Variants in ARHGAP28 observed in about 807,000 individuals in gnomAD.
The protein encoded by ARHGAP28 is rho GTPase-activating protein 28.
ARHGAP28 carries 56 observed loss-of-function variants against 90.7 expected under a neutral mutation model. The observed-to-expected ratio is 0.62, with a 90% CI of 0.50 to 0.77. The LOEUF is 0.77. Among genes scored for constraint, ARHGAP28 ranks in the 30% least tolerant of loss-of-function variants. The pLI is 0.00. For missense variants in ARHGAP28, 869 were observed against 900.9 expected, an observed-to-expected ratio of 0.96 and a Z score of 0.45; for synonymous variants, 308 against 323.3, an observed-to-expected ratio of 0.95 and a Z score of 0.51.
intron 1 of ARHGAP28, among the ~76,000 whole-genome samples, chr18:6,799,790 G>C (rs905166503): frequency 6.6e-6 from 1 of 152,172 alleles, no homozygotes; most frequent in Non-Finnish European, 1.5e-5. Context: ...TGTCATTCAG[G>C]ACATAGGCAT....
At chr18:6,766,274 A>G (rs1583178) in intron 1 of ARHGAP28, among the ~76,000 whole-genome samples, 65,482 of 152,066 alleles carry the variant, frequency 0.43, 15,255 homozygotes, top group East Asian at 0.85. Context: ...ATTTTGAAGC[A>G]CTGTGTCTCA....
At chr18:6,818,022 C>T (rs934708969) in intron 1 of ARHGAP28, among the ~76,000 whole-genome samples, 1 of 152,180 alleles carries the variant, frequency 6.6e-6, no homozygotes, top group Non-Finnish European at 1.5e-5. Flanking sequence ...TAGCTCTGGA[C>T]ATGCTATCAA....
rs755508220 is a variant in ARHGAP28, at chr18:6,912,087, A to G, written c.2123A>G (p.Tyr708Cys). The change falls in exon 18 of 18, where the codon TAT becomes TGT. Residue 708 changes from tyrosine (Y) to cysteine (C), a missense_variant. By Grantham distance (194) the Tyr-to-Cys change is radical. Transcript: ENST00000383472. Reference sequence around the variant, plus strand: ...GAGCATTGCTTGGATCCAGATGCTTATATATTGGATGTATATCGTATAAAT... The same window carrying G: ...GAGCATTGCTTGGATCCAGATGCTTGTATATTGGATGTATATCGTATAAAT... Reference protein sequence around the residue: ...IGEHCLDPDAYILDVYRINPQ... With the variant: ...IGEHCLDPDACILDVYRINPQ... The G allele has an allele frequency of 6.2e-7, 1 of 1,606,888 alleles. No homozygotes were observed. The highest frequency in any genetic ancestry group is 8.5e-7 in the Non-Finnish European group (1 of 1,175,732).
At chr18:6,787,741 A>G (rs980272115) in intron 1 of ARHGAP28, among the ~76,000 whole-genome samples, 7 of 152,188 alleles carry the variant, frequency 4.6e-5, no homozygotes, top group Non-Finnish European at 8.8e-5. Flanking sequence ...GTTTTAACCA[A>G]TGTTATCATT....
At chr18:6,830,413 GT>G (rs2056706215) in intron 2 of ARHGAP28, among the ~76,000 whole-genome samples, 1 of 151,984 alleles carries the variant, frequency 6.6e-6, no homozygotes, top group Admixed American at 6.5e-5. Context: ...GTGCCATGGT[GT>G]TTTGCTGCAC....
intron 16 of ARHGAP28, chr18:6,896,899 C>CTTTTA (rs1222805432): frequency 1.2e-4 from 32 of 263,674 alleles, no homozygotes; most frequent in African/African-American, 6.7e-4. Context: ...TGAGTTTTAC[C>CTTTTA]TTTTATTTTA....
intron 4 of ARHGAP28, among the ~76,000 whole-genome samples, chr18:6,858,234 T>G (rs552658106): frequency 2.0e-5 from 3 of 152,176 alleles, no homozygotes; most frequent in Non-Finnish European, 4.4e-5. Flanking sequence ...GCTCCTATTT[T>G]TCTAAACATG....
At chr18:6,840,031 T>C (rs1384248836) in intron 3 of ARHGAP28, among the ~76,000 whole-genome samples, 1 of 152,208 alleles carries the variant, frequency 6.6e-6, no homozygotes, top group Non-Finnish European at 1.5e-5. Context: ...CCTTCTGTTC[T>C]GGTGGCTTCT....
intron 5 of ARHGAP28, among the ~76,000 whole-genome samples, chr18:6,867,003 T>A (rs1370094243): frequency 2.0e-5 from 3 of 152,218 alleles, no homozygotes; most frequent in African/African-American, 7.2e-5. Context: ...TAATCTTTAT[T>A]CCGTATTGTT....
intron 1 of ARHGAP28, among the ~76,000 whole-genome samples, chr18:6,823,841 A>G (rs1473207428): frequency 6.6e-6 from 1 of 152,034 alleles, no homozygotes; most frequent in Non-Finnish European, 1.5e-5. Context: ...TCTGCCTTCC[A>G]GGTCAAGTGA....
intron 16 of ARHGAP28, among the ~76,000 whole-genome samples, chr18:6,899,296 A>T (rs139559438): frequency 6.6e-6 from 1 of 152,148 alleles, no homozygotes; most frequent in East Asian, 1.9e-4. Flanking sequence ...GCAGAGAAAG[A>T]CTCTGAAAGG....
At chr18:6,910,129 C>A (rs1457365578) in intron 17 of ARHGAP28, among the ~76,000 whole-genome samples, 3 of 152,174 alleles carry the variant, frequency 2.0e-5, no homozygotes, top group Non-Finnish European at 4.4e-5. Context: ...TCATGGTCAC[C>A]AGACAACTCG....
intron 2 of ARHGAP28, among the ~76,000 whole-genome samples, chr18:6,835,943 G>A (rs562564483): frequency 8.5e-5 from 13 of 152,164 alleles, no homozygotes; most frequent in Non-Finnish European, 1.6e-4. Context: ...TGGTCTTGAG[G>A]TCTCTCTCGG....
At chr18:6,839,049 T>C (rs1159468716) in intron 3 of ARHGAP28, among the ~76,000 whole-genome samples, 1 of 152,178 alleles carries the variant, frequency 6.6e-6, no homozygotes, top group Non-Finnish European at 1.5e-5. Context: ...GGTCCTTATG[T>C]CTAGTGGCAC....
chr18:6,839,424 A>T (rs532260585), intron 3 of ARHGAP28, among the ~76,000 whole-genome samples: 2 of 151,734 alleles, frequency 1.3e-5, no homozygotes, highest in Non-Finnish European at 1.5e-5. Context: ...CTCCCGAGTA[A>T]CTGGGACTAT....
chr18:6,806,034 G>A (rs572758001), intron 1 of ARHGAP28, among the ~76,000 whole-genome samples: 5 of 151,914 alleles, frequency 3.3e-5, no homozygotes, highest in East Asian at 2.0e-4. Context: ...ACAGGCACAC[G>A]CCACCAGGAC....
intron 5 of ARHGAP28, among the ~76,000 whole-genome samples, chr18:6,862,370 C>T (rs1332710704): frequency 1.3e-5 from 2 of 152,190 alleles, no homozygotes; most frequent in African/African-American, 4.8e-5. Context: ...CCCAAGACTT[C>T]AGGGGGCCCC....
rs185237191 is a variant in ARHGAP28 at position 6,891,248 on chromosome 18, G to T, written c.1848+705G>T. On this transcript the variant is annotated intron_variant, in intron 14 of 17. Coordinates refer to ENST00000383472, the MANE Select transcript of ARHGAP28 (RefSeq NM_001366230.1). ...GCCAGCTGTGCCAGGGCCATGCAGAGGACAAGGAATGTGCTCTAGCGTGGG... is the reference window on the plus strand; with the variant it reads ...GCCAGCTGTGCCAGGGCCATGCAGATGACAAGGAATGTGCTCTAGCGTGGG... 6.3e-4 allele frequency among the ~76,000 whole-genome samples: 96 copies of T among 152,274 alleles called. 1 individual carries two copies. Among genetic ancestry groups the T allele is most frequent in the African/African-American group, 2.2e-3 (93 of 41,568 alleles).
intron 16 of ARHGAP28, among the ~76,000 whole-genome samples, chr18:6,901,050 CT>C (rs1248206556): frequency 6.6e-6 from 1 of 152,072 alleles, no homozygotes; most frequent in Non-Finnish European, 1.5e-5. Context: ...CAAAAATGTC[CT>C]TCTGGAAATG....
Sources: gnomAD v4.1 joint callset for allele counts (sites outside exome capture counted in the v4.1 genomes callset) on GRCh38, gnomAD v4.1.1 for gene constraint, MANE v1.5 for transcripts, NCBI Gene and HGNC (gene_info 2026-07-23, HGNC 2026-07-21) for gene names.